The following ROBO2 variants were observed in gnomAD, a reference collection of about 807,000 sequenced individuals.
ROBO2 encodes the protein roundabout guidance receptor 2, also known as roundabout homolog 2.
ROBO2 carries 53 observed loss-of-function variants against 160.8 expected under a neutral mutation model. That is an observed-to-expected ratio of 0.33 (90% confidence interval 0.26 to 0.41). ROBO2 has a LOEUF of 0.41. Among genes scored for constraint, ROBO2 ranks in the 10% least tolerant of loss-of-function variants. The pLI, the probability that ROBO2 is intolerant of heterozygous loss-of-function variation, is 1.00. For missense variants in ROBO2, 1,577 were observed against 1,722.4 expected (o/e 0.92, Z 1.49); for synonymous variants, 664 against 611.7 (o/e 1.09, Z -1.26).
At chr3:77,433,520 T>TATATATATATATATATATA (rs1560820593) in intron 2 of ROBO2, among the ~76,000 whole-genome samples, 1 of 83,988 alleles carries the variant, frequency 1.2e-5, no homozygotes, top group African/African-American at 4.0e-5. Flanking sequence ...ATATATATAT[T>TATATATATATATATATATA]TCTCCTTCAT....
chr3:75,950,794 C>G (rs1166072753), intron 2 of ROBO2, among the ~76,000 whole-genome samples: 1 of 151,970 alleles, frequency 6.6e-6, no homozygotes, highest in Non-Finnish European at 1.5e-5. Flanking sequence ...CTATGTGGTT[C>G]CAGTCTGAGT....
At chr3:76,876,828 C>T (rs2072784581) in intron 2 of ROBO2, among the ~76,000 whole-genome samples, 1 of 151,992 alleles carries the variant, frequency 6.6e-6, no homozygotes, top group Admixed American at 6.5e-5. Context: ...AAGAAAAATT[C>T]ACAAAAATTT....
intron 2 of ROBO2, among the ~76,000 whole-genome samples, chr3:76,292,243 G>C (rs948888397): frequency 2.0e-5 from 3 of 152,156 alleles, no homozygotes; most frequent in African/African-American, 7.2e-5. Flanking sequence ...AAAGTCTGCT[G>C]TGCTAAATTT....
At chr3:76,997,725 T>C (rs924925973) in intron 2 of ROBO2, among the ~76,000 whole-genome samples, 26 of 152,200 alleles carry the variant, frequency 1.7e-4, no homozygotes, top group African/African-American at 4.8e-4. Flanking sequence ...ACTGGGCATA[T>C]CACTTAGTTT....
At chr3:76,518,162 C>T (rs1206780423) in intron 2 of ROBO2, among the ~76,000 whole-genome samples, 2 of 152,034 alleles carry the variant, frequency 1.3e-5, no homozygotes, top group East Asian at 3.9e-4. Flanking sequence ...ACAATAATGA[C>T]ACACAAAAGA....
chr3:76,930,000 T>C (rs1010140868), intron 2 of ROBO2, among the ~76,000 whole-genome samples: 1 of 152,188 alleles, frequency 6.6e-6, no homozygotes, highest in Non-Finnish European at 1.5e-5. Flanking sequence ...TTTCATCTTC[T>C]TGTATATTAC....
rs372884012 is a variant in ROBO2, at chr3:76,621,202, C to G, written c.110-476812C>G. ...TTCTTTATTAAATGGTTGTATGTTA[C>G]AGATTTGTGTGGCATGTCATTTTAT... On this transcript the variant is annotated intron_variant, in intron 2 of 26. Coordinates refer to the ROBO2 transcript ENST00000487694. Among the ~76,000 whole-genome samples, 93 of 150,524 alleles carry G rather than the reference C, an allele frequency of 6.2e-4. 1 individual carries two copies. In the South Asian group the frequency reaches 6.3e-3, roughly 10 times the overall value.
intron 2 of ROBO2, among the ~76,000 whole-genome samples, chr3:76,493,337 T>TATATATATATATATATA (rs2079939030): frequency 9.5e-6 from 1 of 104,828 alleles, no homozygotes; most frequent in South Asian, 3.0e-4. Flanking sequence ...AGACAAAAAA[T>TATATATATATATATATA]TATATATATA....
chr3:76,872,466 G>A (rs1017819855), intron 2 of ROBO2, among the ~76,000 whole-genome samples: 3 of 151,936 alleles, frequency 2.0e-5, no homozygotes, highest in African/African-American at 7.2e-5. Context: ...GGCTTTGGAA[G>A]TTAAGCAGCT....
At chr3:77,041,918 CA>C (rs2064142468) in intron 1 of ROBO2, among the ~76,000 whole-genome samples, 1 of 152,188 alleles carries the variant, frequency 6.6e-6, no homozygotes, top group Admixed American at 6.5e-5. Context: ...CTTGTTGCCA[CA>C]TAAACTTTCC....
intron 2 of ROBO2, among the ~76,000 whole-genome samples, chr3:75,965,240 A>C (rs966029499): frequency 6.6e-6 from 1 of 151,792 alleles, no homozygotes; most frequent in African/African-American, 2.4e-5. Context: ...TCATATTTTC[A>C]CTACTGTTTA....
At chr3:76,026,035 G>A (rs913606748) in intron 2 of ROBO2, among the ~76,000 whole-genome samples, 19 of 151,826 alleles carry the variant, frequency 1.3e-4, no homozygotes. Flanking sequence ...CATATACTTG[G>A]CTGACAGAGT....
intron 2 of ROBO2, among the ~76,000 whole-genome samples, chr3:76,452,646 T>C (rs1329747679): frequency 6.6e-6 from 1 of 152,230 alleles, no homozygotes; most frequent in East Asian, 1.9e-4. Context: ...CGTGTGCCTG[T>C]GTCTTTATAG....
intron 2 of ROBO2, among the ~76,000 whole-genome samples, chr3:76,495,739 T>A (rs1176737219): frequency 6.6e-6 from 1 of 152,144 alleles, no homozygotes; most frequent in Non-Finnish European, 1.5e-5. Context: ...GCAGGTCTCA[T>A]ACGTAATGAA....
At chr3:76,451,822 T>A (rs1352306755) in intron 2 of ROBO2, among the ~76,000 whole-genome samples, 2 of 152,094 alleles carry the variant, frequency 1.3e-5, no homozygotes, top group African/African-American at 4.8e-5. Context: ...TGAAAATGAG[T>A]AGATGAATGC....
At chr3:76,095,101 T>C (rs9815763) in intron 2 of ROBO2, among the ~76,000 whole-genome samples, 16,467 of 152,106 alleles carry the variant, frequency 0.11, 1,068 homozygotes, top group Non-Finnish European at 0.14. Flanking sequence ...TCTTTTAATT[T>C]TGGGCTGAGT....
In ROBO2 at chr3:77,237,713, T is replaced by TTTG. The variant is rs547433345; in HGVS notation, c.388+139386_388+139388dup. Among the ~76,000 whole-genome samples the TTTG allele has an allele frequency of 3.3e-3, 505 of 152,256 alleles. 1 individual carries two copies. Among genetic ancestry groups the TTTG allele is most frequent in the Non-Finnish European group, 4.9e-3 (335 of 68,010 alleles). On this transcript the variant is annotated intron_variant, in intron 2 of 25. Coordinates refer to ENST00000461745, the Ensembl canonical transcript of ROBO2. ...GCTGCTATAAACATCTGTGTGCAGT[T>TTTG]TTGTTGTTGTTGTTGCTTTTCAGCT... is the stretch of plus-strand genomic sequence containing the variant.
At chr3:77,560,696 T>G (rs776638870) in intron 9 of ROBO2, among the ~76,000 whole-genome samples, 16 of 152,150 alleles carry the variant, frequency 1.1e-4, no homozygotes, top group Non-Finnish European at 2.1e-4. Context: ...AAGTAGAATA[T>G]TCCAGCACTC....
intron 2 of ROBO2, among the ~76,000 whole-genome samples, chr3:77,296,425 C>A (rs923055685): frequency 6.6e-6 from 1 of 152,064 alleles, no homozygotes; most frequent in African/African-American, 2.4e-5. Context: ...ACGGCTAAAC[C>A]GTCAAACTGA....
Sources: allele counts gnomAD v4.1 joint callset (sites outside exome capture counted in the v4.1 genomes callset), GRCh38; gene constraint gnomAD v4.1.1; transcripts MANE v1.5; gene names NCBI Gene and HGNC (gene_info 2026-07-23, HGNC 2026-07-21).